The following TOX2 variants were observed in gnomAD, a reference collection of about 807,000 sequenced individuals.
The protein encoded by TOX2 is granulosa cell HMG box 1.
A neutral mutation model predicts 47.4 loss-of-function variants in TOX2; 15 were observed. The observed-to-expected ratio is 0.32, with a 90% CI of 0.21 to 0.49. TOX2 has a LOEUF of 0.49. Among genes scored for constraint, TOX2 ranks in the 20% least tolerant of loss-of-function variants. TOX2 has a pLI of 0.99. For missense variants in TOX2, 622 were observed against 673.1 expected (o/e 0.92, Z 0.84); for synonymous variants, 290 against 296.6 (o/e 0.98, Z 0.23).
At chr20:44,057,883 G>A (rs1190845016) in intron 5 of TOX2, among the ~76,000 whole-genome samples, 2 of 149,938 alleles carry the variant, frequency 1.3e-5, no homozygotes, top group Non-Finnish European at 2.9e-5. Flanking sequence ...CTGTCAGCTG[G>A]AGCAGTGGAG....
rs532023254 is a variant in TOX2 at position 44,022,797 on chromosome 20, C to G, written c.411+16005C>G. Among the ~76,000 whole-genome samples the G allele has an allele frequency of 3.9e-5, 6 of 152,288 alleles. No individual in the cohort carries two copies. The South Asian group carries it at 1.2e-3, about 32-fold the overall frequency. ...CTCCTCCATGGGCAGGACCTGCCTT[C>G]GTTAGAAATTAGCTTAGTGACCCCT... On this transcript the variant is annotated intron_variant, in intron 3 of 8. Coordinates refer to ENST00000341197, the MANE Select transcript of TOX2 (RefSeq NM_001098797.2).
chr20:43,951,246 G>A (rs2069560136), intron 1 of TOX2, among the ~76,000 whole-genome samples: 3 of 152,138 alleles, frequency 2.0e-5, no homozygotes, highest in South Asian at 2.1e-4. Context: ...TAGCCTTCAC[G>A]TCTACCTCTC....
intron 1 of TOX2, among the ~76,000 whole-genome samples, chr20:43,940,810 T>C (rs1483427446): frequency 6.6e-6 from 1 of 152,210 alleles, no homozygotes; most frequent in Non-Finnish European, 1.5e-5. Context: ...CAGGGCACCT[T>C]AGAAGCGCAA....
At chr20:44,039,744 G>A (rs142475693) in intron 3 of TOX2, among the ~76,000 whole-genome samples, 155 of 152,188 alleles carry the variant, frequency 1.0e-3, no homozygotes, top group African/African-American at 3.2e-3. Flanking sequence ...CTTCCAGGAC[G>A]CAAGTCAGAA....
At chr20:44,062,999 T>C (rs1173301338) in intron 5 of TOX2, among the ~76,000 whole-genome samples, 2 of 152,174 alleles carry the variant, frequency 1.3e-5, no homozygotes, top group East Asian at 3.9e-4. Context: ...TCAAAATGGA[T>C]GGAAGACTTA....
At chr20:43,971,806 G>T (rs1053934253) in intron 1 of TOX2, among the ~76,000 whole-genome samples, 1 of 152,180 alleles carries the variant, frequency 6.6e-6, no homozygotes, top group Non-Finnish European at 1.5e-5. Context: ...AAGATGTGTT[G>T]CTAAGAGAAA....
At chr20:44,025,506 A>C (rs1437822002) in intron 3 of TOX2, among the ~76,000 whole-genome samples, 1 of 426 alleles carries the variant, frequency 2.3e-3, no homozygotes, top group Non-Finnish European at 3.6e-3. Context: ...AAGGGGGCCC[A>C]GGAAGGGGCC....
At position 43,914,932 on chromosome 20, in the gene TOX2, C is replaced by T. The variant is rs2069038789; in HGVS notation, c.41C>T (p.Ala14Val). 2 of 1,191,964 alleles carry T rather than the reference C, an allele frequency of 1.7e-6. No homozygotes were observed. Among genetic ancestry groups the T allele is most frequent in the South Asian group, 6.8e-5 (2 of 29,204 alleles). The allele number at this position is 1,191,964 out of a possible 1,614,324, so 73.8% of individuals were successfully genotyped here. The change falls in exon 1 of 9, where the codon GCG becomes GTG. Residue 14 changes from alanine (A) to valine (V), a missense_variant. Ala to Val is a moderately conservative substitution (Grantham distance 64). Transcript: ENST00000341197. This position sits in a 1 kb window ranked among gnomAD's most constrained non-coding sequence, Gnocchi z 4.5. ...TACCCCTCGGCGCCCGCGGTGGGCGCGCGGCCCGGGGCCGAGCCGGCCGGC... is the reference window on the plus strand; with the variant it reads ...TACCCCTCGGCGCCCGCGGTGGGCGTGCGGCCCGGGGCCGAGCCGGCCGGC... ...RLYPSAPAVG[A>V]RPGAEPAGLA... is the part of the protein sequence containing the mutation.
chr20:43,926,746 A>G (rs979835010), intron 1 of TOX2, among the ~76,000 whole-genome samples: 2 of 152,200 alleles, frequency 1.3e-5, no homozygotes, highest in African/African-American at 2.4e-5. Flanking sequence ...TTAAGGACCA[A>G]TGAAACATTC....
At chr20:43,950,626 T>A (rs535124413) in intron 1 of TOX2, among the ~76,000 whole-genome samples, 1 of 151,942 alleles carries the variant, frequency 6.6e-6, no homozygotes, top group African/African-American at 2.4e-5. Flanking sequence ...CTTGGCTCAC[T>A]CCCTCACCTC....
chr20:43,959,460 G>T (rs572033943), intron 1 of TOX2, among the ~76,000 whole-genome samples: 11 of 152,324 alleles, frequency 7.2e-5, no homozygotes, highest in African/African-American at 2.4e-4. Context: ...GGGGTTAGAG[G>T]CATAAGTGCC....
At chr20:43,951,198 G>A (rs1243039592) in intron 1 of TOX2, among the ~76,000 whole-genome samples, 1 of 152,178 alleles carries the variant, frequency 6.6e-6, no homozygotes, top group Non-Finnish European at 1.5e-5. Flanking sequence ...CCACATTGCT[G>A]TGGGTTTGAA....
chr20:44,045,531 A>G (rs558333183), intron 3 of TOX2, among the ~76,000 whole-genome samples: 13 of 152,334 alleles, frequency 8.5e-5, no homozygotes, highest in South Asian at 2.1e-4. Context: ...TATAGTAAAC[A>G]TCTTGGAGTA....
chr20:44,009,933 C>A (rs2070751919), intron 3 of TOX2, among the ~76,000 whole-genome samples: 1 of 152,122 alleles, frequency 6.6e-6, no homozygotes, highest in African/African-American at 2.4e-5. Flanking sequence ...GTCCCAGACA[C>A]CAGAATTAGA....
At chr20:44,006,824 T>C (rs2070692052) in intron 3 of TOX2, 32 bp downstream of exon 3, 3 of 1,602,880 alleles carry the variant, frequency 1.9e-6, no homozygotes, top group Non-Finnish European at 2.6e-6. Context: ...CAGTTCCTGC[T>C]GATGACAGCA....
At chr20:44,039,361 T>C in intron 3 of TOX2, 3 of 1,246,678 alleles carry the variant, frequency 2.4e-6, no homozygotes, top group South Asian at 2.6e-5. Flanking sequence ...TCATGGAGCA[T>C]TTTACATGGC....
At chr20:43,992,404 T>C (rs534258735) in intron 2 of TOX2, among the ~76,000 whole-genome samples, 1 of 152,178 alleles carries the variant, frequency 6.6e-6, no homozygotes, top group African/African-American at 2.4e-5. Context: ...AGCATTGACA[T>C]GAGGGCAGGG....
At chr20:44,005,796 G>A (rs2070668924) in intron 2 of TOX2, among the ~76,000 whole-genome samples, 2 of 152,154 alleles carry the variant, frequency 1.3e-5, no homozygotes, top group South Asian at 4.1e-4. Context: ...GCTTGCTTAA[G>A]AATACCTCAA....
intron 3 of TOX2, among the ~76,000 whole-genome samples, chr20:44,027,531 C>CTCCA (rs1360354188): frequency 1.3e-5 from 2 of 152,256 alleles, no homozygotes; most frequent in African/African-American, 4.8e-5. Context: ...GTGTCTCCTG[C>CTCCA]TCCAGTTCAT....
Sources: gnomAD v4.1 joint callset for allele counts (sites outside exome capture counted in the v4.1 genomes callset) on GRCh38, gnomAD v4.1.1 for gene constraint, Gnocchi (gnomAD v3.1) non-coding constraint, MANE v1.5 for transcripts, NCBI Gene and HGNC (gene_info 2026-07-23, HGNC 2026-07-21) for gene names.